Variants in CNTNAP2 observed in about 807,000 individuals in gnomAD.
The protein encoded by CNTNAP2 is contactin associated protein 2, also known as contactin-associated protein-like 2.
In CNTNAP2, 98 loss-of-function variants were observed where a neutral mutation model predicts 155.2. That is an observed-to-expected ratio of 0.63 (90% CI 0.54 to 0.75). The LOEUF is 0.75. Among genes scored for constraint, CNTNAP2 ranks in the 30% least tolerant of loss-of-function variants. The pLI, the probability that CNTNAP2 is intolerant of heterozygous loss-of-function variation, is 0.00. For synonymous variants in CNTNAP2, 651 were observed against 631.2 expected (o/e 1.03, Z -0.47); for missense variants, 1,727 against 1,688.1 (o/e 1.02, Z -0.40).
chr7:146,371,473 A>G lies in CNTNAP2; in HGVS notation c.97+254500A>G, dbSNP rs558864578. Among the ~76,000 whole-genome samples the G allele has an allele frequency of 1.7e-4, 24 of 141,898 alleles. No homozygotes were observed. In the East Asian group the frequency reaches 5.1e-3, roughly 30 times the overall value. 93.1% of individuals were successfully genotyped at this position (141,898 alleles called of 152,430 possible). On this transcript the variant is annotated intron_variant, in intron 1 of 23. Coordinates refer to ENST00000361727, the MANE Select transcript of CNTNAP2 (RefSeq NM_014141.6). ...AAGCTCCGCCTCCCGGGTTCATGCC[A>G]TTCTCCTGCCTCAGCCTCCCGAGTA...
intron 21 of CNTNAP2, among the ~76,000 whole-genome samples, chr7:148,315,083 C>T (rs919451337): frequency 6.6e-6 from 1 of 152,138 alleles, no homozygotes; most frequent in South Asian, 2.1e-4. Flanking sequence ...TGAGATGTTC[C>T]TTGGGCTGGT....
At chr7:147,441,813 T>TCTCTCTCTCTC (rs1797639871) in intron 10 of CNTNAP2, among the ~76,000 whole-genome samples, 6 of 102,168 alleles carry the variant, frequency 5.9e-5, no homozygotes, top group Non-Finnish European at 7.2e-5. Context: ...TGTAGTCTCT[T>TCTCTCTCTCTC]TCTCTCTCTC....
chr7:146,686,224 A>T (rs1382264554), intron 1 of CNTNAP2, among the ~76,000 whole-genome samples: 1 of 152,096 alleles, frequency 6.6e-6, no homozygotes, highest in Non-Finnish European at 1.5e-5. Context: ...TGAACCCAGG[A>T]GGTGAAGGCT....
At chr7:147,637,315 G>A (rs1256609013) in intron 12 of CNTNAP2, among the ~76,000 whole-genome samples, 1 of 152,110 alleles carries the variant, frequency 6.6e-6, no homozygotes, top group Non-Finnish European at 1.5e-5. Flanking sequence ...GTTGGCAGGA[G>A]GCGTGTTCAA....
At chr7:148,038,572 A>G (rs1266416260) in intron 15 of CNTNAP2, among the ~76,000 whole-genome samples, 1 of 152,156 alleles carries the variant, frequency 6.6e-6, no homozygotes, top group Non-Finnish European at 1.5e-5. Context: ...ATGGTGAATC[A>G]CTAGAGGAAG....
Position 147,562,262 on chromosome 7 carries a change from C to T in CNTNAP2, c.1897+5C>T, listed in dbSNP as rs1371478454. Reference sequence around the variant, plus strand: ...AAGTTTACTGCAACATGACAGGTAACTGTGTCATATTTATGTTTTATGAAG... The same window carrying T: ...AAGTTTACTGCAACATGACAGGTAATTGTGTCATATTTATGTTTTATGAAG... On this transcript the variant is annotated splice_donor_5th_base_variant and intron_variant, in intron 12 of 23. Transcript: ENST00000361727. The T allele has an allele frequency of 1.2e-6, 2 of 1,613,614 alleles. No homozygotes were observed. Among genetic ancestry groups the T allele is most frequent in the Admixed American group, 1.7e-5 (1 of 59,990 alleles).
chr7:147,346,444 G>A (rs1399926239), intron 9 of CNTNAP2, among the ~76,000 whole-genome samples: 7 of 152,244 alleles, frequency 4.6e-5, no homozygotes, highest in African/African-American at 1.7e-4. Flanking sequence ...GTGAGCCACC[G>A]CGCCCGGCCC....
In CNTNAP2 at chr7:147,322,785, C is replaced by A. The variant is rs568006930; in HGVS notation, c.1498+22495C>A. Among the ~76,000 whole-genome samples, 199 of 142,790 alleles carry A rather than the reference C, an allele frequency of 1.4e-3. 1 individual carries two copies. The highest frequency in any genetic ancestry group is 5.2e-3 in the African/African-American group (192 of 36,908). The allele number at this position is 142,790 out of a possible 152,430, so 93.7% of individuals were successfully genotyped here. Reference sequence around the variant, plus strand: ...ATTGGTCTATTCAGAGATTCAACTTCTTCCTGGATTAGTCTTGGGAGGGTG... The same window carrying A: ...ATTGGTCTATTCAGAGATTCAACTTATTCCTGGATTAGTCTTGGGAGGGTG... On this transcript the variant is annotated intron_variant, in intron 9 of 23. Coordinates refer to ENST00000361727, the MANE Select transcript of CNTNAP2 (RefSeq NM_014141.6).
chr7:148,094,361 A>ATAAT (rs1221654152), intron 15 of CNTNAP2, among the ~76,000 whole-genome samples: 7 of 152,242 alleles, frequency 4.6e-5, no homozygotes, highest in Admixed American at 3.3e-4. Context: ...TTCTTTACAA[A>ATAAT]TAATAGTGTT....
At chr7:147,483,359 G>T (rs1252387377) in intron 10 of CNTNAP2, among the ~76,000 whole-genome samples, 1 of 152,038 alleles carries the variant, frequency 6.6e-6, no homozygotes, top group Non-Finnish European at 1.5e-5. Context: ...GGTATCTATG[G>T]GGTGGGTGGG....
At chr7:147,890,953 G>A (rs1454050525) in intron 13 of CNTNAP2, among the ~76,000 whole-genome samples, 3 of 152,200 alleles carry the variant, frequency 2.0e-5, no homozygotes, top group Non-Finnish European at 4.4e-5. Flanking sequence ...AAAATGATAA[G>A]TACGTGAGGT....
chr7:146,120,422 C>G (rs1237140200), intron 1 of CNTNAP2, among the ~76,000 whole-genome samples: 1 of 152,078 alleles, frequency 6.6e-6, no homozygotes, highest in Non-Finnish European at 1.5e-5. Flanking sequence ...AAGTAAGAAT[C>G]ATTGTTCAAA....
chr7:146,647,283 C>T (rs538825596), intron 1 of CNTNAP2, among the ~76,000 whole-genome samples: 2 of 152,084 alleles, frequency 1.3e-5, no homozygotes, highest in Non-Finnish European at 2.9e-5. Context: ...ACCCCATTTC[C>T]TTTAAAGAAT....
intron 3 of CNTNAP2, among the ~76,000 whole-genome samples, chr7:146,902,759 C>T (rs1448594676): frequency 6.6e-6 from 1 of 152,240 alleles, no homozygotes; most frequent in Non-Finnish European, 1.5e-5. Flanking sequence ...TCCTCACTTT[C>T]TTATCCCCAC....
At chr7:147,809,402 A>AT (rs1223583729) in intron 13 of CNTNAP2, among the ~76,000 whole-genome samples, 2 of 152,044 alleles carry the variant, frequency 1.3e-5, no homozygotes, top group African/African-American at 2.4e-5. Flanking sequence ...TGAAAGGTGC[A>AT]TTTTTTTTAT....
intron 13 of CNTNAP2, among the ~76,000 whole-genome samples, chr7:147,893,055 G>A (rs1392218427): frequency 6.6e-6 from 1 of 152,104 alleles, no homozygotes; most frequent in Middle Eastern, 3.2e-3. Context: ...GGACTCCACA[G>A]GATTTTATCT....
At chr7:146,721,042 C>CTCTATATATATTATATATACTCTATAT (rs1801288146) in intron 1 of CNTNAP2, among the ~76,000 whole-genome samples, 1 of 115,792 alleles carries the variant, frequency 8.6e-6, no homozygotes, top group Non-Finnish European at 1.6e-5. Context: ...TCTATATATT[C>CTCTATATATATTATATATACTCTATAT]TATATATATA....
intron 1 of CNTNAP2, among the ~76,000 whole-genome samples, chr7:146,662,341 T>C (rs893630822): frequency 2.1e-5 from 2 of 93,444 alleles, no homozygotes; most frequent in African/African-American, 5.7e-5. Flanking sequence ...TTTTACCATA[T>C]TGGCCAGGCT....
intron 1 of CNTNAP2, among the ~76,000 whole-genome samples, chr7:146,610,250 C>T (rs1013556109): frequency 2.0e-5 from 3 of 152,080 alleles, no homozygotes; most frequent in African/African-American, 7.2e-5. Flanking sequence ...GTGTAGTCGT[C>T]TCCTAGGAGA....
Sources: allele counts gnomAD v4.1 joint callset (sites outside exome capture counted in the v4.1 genomes callset), GRCh38; gene constraint gnomAD v4.1.1; transcripts MANE v1.5; gene names NCBI Gene and HGNC (gene_info 2026-07-23, HGNC 2026-07-21).